Variants in BTC observed in about 807,000 individuals in gnomAD.
BTC encodes betacellulin.
A neutral mutation model predicts 18.1 loss-of-function variants in BTC; 13 were observed. The observed-to-expected ratio is 0.72, with a 90% CI of 0.47 to 1.14. The LOEUF (loss-of-function observed/expected upper bound fraction) is 1.14, where lower values mean the gene tolerates loss of function less well. BTC is among the 50% of genes most tolerant of loss of function. BTC has a pLI of 0.00. For synonymous variants in BTC, 83 were observed against 79.4 expected (o/e 1.05, Z -0.24); for missense variants, 247 against 224.2 (o/e 1.10, Z -0.65).
At chr4:74,756,189 A>G (rs546258368) in intron 2 of BTC, among the ~76,000 whole-genome samples, 2 of 152,224 alleles carry the variant, frequency 1.3e-5, no homozygotes, top group African/African-American at 4.8e-5. Flanking sequence ...AATGTTTCCT[A>G]CTTTAATTAA....
At chr4:74,747,675 C>T (rs1474289429) in intron 5 of BTC, among the ~76,000 whole-genome samples, 1 of 152,154 alleles carries the variant, frequency 6.6e-6, no homozygotes, top group Admixed American at 6.5e-5. Context: ...TGTAACAGTG[C>T]TTGGCATTGT....
intron 2 of BTC, among the ~76,000 whole-genome samples, chr4:74,769,107 G>A (rs1315584480): frequency 6.6e-6 from 1 of 152,092 alleles, no homozygotes; most frequent in African/African-American, 2.4e-5. Context: ...ACAACTTCCC[G>A]AGGGTGCTAG....
chr4:74,748,645 T>C (rs1344103863), intron 4 of BTC, among the ~76,000 whole-genome samples: 1 of 152,132 alleles, frequency 6.6e-6, no homozygotes, highest in Non-Finnish European at 1.5e-5. Flanking sequence ...ATAGAAAAAA[T>C]GTCACTTATA....
At chr4:74,773,453 C>T (rs1460588175) in intron 1 of BTC, among the ~76,000 whole-genome samples, 2 of 152,166 alleles carry the variant, frequency 1.3e-5, no homozygotes, top group African/African-American at 2.4e-5. Flanking sequence ...ATAAAGGCTG[C>T]TATAAAGAGA....
At chr4:74,766,256 T>C (rs1724900145) in intron 2 of BTC, among the ~76,000 whole-genome samples, 1 of 152,082 alleles carries the variant, frequency 6.6e-6, no homozygotes, top group African/African-American at 2.4e-5. Flanking sequence ...TAGGCTACAA[T>C]ACATTTGTAT....
rs782238693 is a variant in BTC, at chr4:74,748,021, G to C, written c.*1+19C>G. 1 of 1,432,846 alleles carries C rather than the reference G, an allele frequency of 7.0e-7. No homozygotes were observed. The highest frequency in any genetic ancestry group is 9.7e-7 in the Non-Finnish European group (1 of 1,036,016). 88.8% of individuals were successfully genotyped at this position (1,432,846 alleles called of 1,614,324 possible). On this transcript the variant is annotated intron_variant, in intron 5 of 5. Transcript: ENST00000395743. ...ATGTCACCTGAATAGTTTTCTATCA[G>C]CAAGTTTATCTCACTTACTTTAAGC...
chr4:74,750,614 T>C lies in BTC; in HGVS notation c.387A>G (p.Val129=), dbSNP rs548348634. The C allele has an allele frequency of 3.7e-6, 6 of 1,613,762 alleles. No individual in the cohort carries two copies. The South Asian group carries it at 6.6e-5, about 18-fold the overall frequency. The change falls in exon 4 of 6, where the codon GTA becomes GTG. Residue 129 remains valine, a synonymous_variant. Transcript: ENST00000395743. ...CACCGATGACCAAAATAATAAAAACTACCATAACTGCTATCAAACAAATCA... is the reference window on the plus strand; with the variant it reads ...CACCGATGACCAAAATAATAAAAACCACCATAACTGCTATCAAACAAATCA... ...ILVICLIAVM[V]VFIILVIGVC... is the part of the protein sequence containing the mutation.
intron 3 of BTC, among the ~76,000 whole-genome samples, chr4:74,755,396 T>A (rs1281950938): frequency 2.6e-5 from 4 of 152,224 alleles, no homozygotes; most frequent in Non-Finnish European, 5.9e-5. Context: ...TTCCCCACTA[T>A]ACTAAACAGG....
In BTC at chr4:74,753,827, G is replaced by GA. The variant is rs5859440; in HGVS notation, c.281+2031dup. On this transcript the variant is annotated intron_variant, in intron 3 of 5. Coordinates refer to ENST00000395743, the MANE Select transcript of BTC (RefSeq NM_001729.4). ...TAACAAGACCTTCTCTCCAAAAAAAGAAAAAAAAAATATTGTTCTTAAAAA... is the reference window on the plus strand; with the variant it reads ...TAACAAGACCTTCTCTCCAAAAAAAGAAAAAAAAAAATATTGTTCTTAAAAA... Among the ~76,000 whole-genome samples the GA allele has an allele frequency of 3.5e-4, 45 of 128,830 alleles. 1 individual carries two copies. The highest frequency in any genetic ancestry group is 1.6e-3 in the East Asian group (8 of 4,936). The allele number at this position is 128,830 out of a possible 152,430, so 84.5% of individuals were successfully genotyped here. A position where few individuals can be genotyped will look rare whatever the true frequency, so the allele number is the denominator to read the frequency against.
intron 2 of BTC, among the ~76,000 whole-genome samples, chr4:74,766,059 T>C (rs1724894907): frequency 6.6e-6 from 1 of 152,038 alleles, no homozygotes; most frequent in African/African-American, 2.4e-5. Flanking sequence ...TATCTAAACA[T>C]AGAAAAAGTA....
At chr4:74,751,397 G>A (rs1724457183) in intron 3 of BTC, among the ~76,000 whole-genome samples, 1 of 152,006 alleles carries the variant, frequency 6.6e-6, no homozygotes, top group South Asian at 2.1e-4. Flanking sequence ...AAACACATAA[G>A]TCTTGTCCTC....
chr4:74,785,106 C>T (rs1725445139), intron 1 of BTC, among the ~76,000 whole-genome samples: 1 of 152,010 alleles, frequency 6.6e-6, no homozygotes, highest in South Asian at 2.1e-4. Context: ...TTTCAGAACT[C>T]ATTATTGGTC....
rs1577955191 is a variant in BTC, at chr4:74,762,381, T to C, written c.164-6405A>G. On this transcript the variant is annotated intron_variant, in intron 2 of 5. Transcript: ENST00000395743. ...CCTCTCTGTGCTTCAGTGTCTTCAT[T>C]TGAAAAAGGGAATAATGTAGGTACG... is the stretch of plus-strand genomic sequence containing the variant. Among the ~76,000 whole-genome samples, 8 of 152,116 alleles carry C rather than the reference T, an allele frequency of 5.3e-5. No homozygotes were observed. In the South Asian group the frequency reaches 1.7e-3, roughly 32 times the overall value.
intron 1 of BTC, among the ~76,000 whole-genome samples, chr4:74,787,019 C>A (rs1328016122): frequency 6.6e-6 from 1 of 151,346 alleles, no homozygotes; most frequent in African/African-American, 2.4e-5. Flanking sequence ...TGGGCATCTT[C>A]CACCAACAGC....
chr4:74,771,267 A>C (rs961557468), intron 1 of BTC, among the ~76,000 whole-genome samples: 2 of 152,214 alleles, frequency 1.3e-5, no homozygotes, highest in African/African-American at 4.8e-5. Context: ...ATAAGTATGA[A>C]AAGCACTTAA....
chr4:74,784,223 TTC>T lies in BTC; in HGVS notation c.64+10037_64+10038del, dbSNP rs532843553. Among the ~76,000 whole-genome samples the T allele has an allele frequency of 9.2e-3, 1,349 of 146,096 alleles. 20 individuals carry two copies. The highest frequency in any genetic ancestry group is 0.031 in the African/African-American group (1,190 of 38,434). Reference sequence around the variant, plus strand: ...CTCCAGGCTGGTTGACAGAGAGAGATTCTCTCTCGAAAAAAAAAAAAAAAAAG... The same window carrying T: ...CTCCAGGCTGGTTGACAGAGAGAGATTCTCTCGAAAAAAAAAAAAAAAAAG... On this transcript the variant is annotated intron_variant, in intron 1 of 5. Coordinates refer to ENST00000395743, the MANE Select transcript of BTC (RefSeq NM_001729.4).
intron 2 of BTC, among the ~76,000 whole-genome samples, chr4:74,757,029 C>G (rs781903140): frequency 6.6e-5 from 10 of 152,126 alleles, no homozygotes; most frequent in Non-Finnish European, 1.3e-4. Context: ...AGCTCCAGCC[C>G]AGGGTCAAAC....
Position 74,748,159 on chromosome 4 carries a change from T to C in BTC, c.429-10A>G. Reference sequence around the variant, plus strand: ...ACGTTTCCGAAGAGGGCTTGGAAAATACGTGTTAGAAGTTAGTATGGGCCT... The same window carrying C: ...ACGTTTCCGAAGAGGGCTTGGAAAACACGTGTTAGAAGTTAGTATGGGCCT... On this transcript the variant is annotated splice_polypyrimidine_tract_variant and intron_variant, in intron 4 of 5. Transcript: ENST00000395743. 2 of 1,560,536 alleles carry C rather than the reference T, an allele frequency of 1.3e-6. No individual in the cohort carries two copies. The highest frequency in any genetic ancestry group is 1.4e-5 in the African/African-American group (1 of 73,880).
At chr4:74,784,956 T>C (rs993433617) in intron 1 of BTC, among the ~76,000 whole-genome samples, 1 of 152,156 alleles carries the variant, frequency 6.6e-6, no homozygotes, top group African/African-American at 2.4e-5. Context: ...AGTTAGGAAG[T>C]AATCCCTCCT....
Sources: allele counts gnomAD v4.1 joint callset (sites outside exome capture counted in the v4.1 genomes callset), GRCh38; gene constraint gnomAD v4.1.1; transcripts MANE v1.5; gene names NCBI Gene and HGNC (gene_info 2026-07-23, HGNC 2026-07-21).